MAPK4: variants seen among roughly 807,000 people sequenced by gnomAD.
MAPK4 encodes the protein Erk3-related.
A neutral mutation model predicts 47.7 loss-of-function variants in MAPK4; 22 were observed. The observed-to-expected ratio is 0.46, with a 90% CI of 0.33 to 0.66. MAPK4 has a LOEUF of 0.66. MAPK4 is among the 30% of genes least tolerant of loss of function. The probability of loss-of-function intolerance (pLI) is 0.02; values close to 1 mark genes in which losing one functional copy is unlikely to be tolerated. For synonymous variants in MAPK4, 390 were observed against 365.7 expected, an observed-to-expected ratio of 1.07 and a Z score of -0.76; for missense variants, 736 against 831.7, an observed-to-expected ratio of 0.88 and a Z score of 1.42.
intron 1 of MAPK4, among the ~76,000 whole-genome samples, chr18:50,619,995 T>C (rs2042717711): frequency 6.6e-6 from 1 of 152,208 alleles, no homozygotes; most frequent in Non-Finnish European, 1.5e-5. Flanking sequence ...CCCAAGGAAA[T>C]GCAGGCTGTG....
At chr18:50,600,325 A>G (rs2042524098) in intron 1 of MAPK4, among the ~76,000 whole-genome samples, 1 of 152,148 alleles carries the variant, frequency 6.6e-6, no homozygotes, top group Non-Finnish European at 1.5e-5. Flanking sequence ...CTAACCAGGC[A>G]TCTCAGGGGA....
chr18:50,628,188 G>GA (rs2042798077), intron 1 of MAPK4, among the ~76,000 whole-genome samples: 1 of 152,192 alleles, frequency 6.6e-6, no homozygotes, highest in African/African-American at 2.4e-5. Flanking sequence ...CAAAAATAGT[G>GA]AAAATCTGCG....
At chr18:50,652,128 T>C (rs1180835475) in intron 1 of MAPK4, among the ~76,000 whole-genome samples, 1 of 152,204 alleles carries the variant, frequency 6.6e-6, no homozygotes, top group East Asian at 1.9e-4. Context: ...ATGAGACTTC[T>C]TGCTGGAGTG....
In MAPK4 at chr18:50,729,989, G is replaced by A. The variant is rs1309983795; in HGVS notation, c.*135G>A. ...AGAACACGTGAAGGATCCGAGGAGC[G>A]AGAGGAATGTCCATTTCTTAAACTG... On this transcript the variant is annotated 3_prime_UTR_variant, in exon 6 of 6. Transcript: ENST00000400384. The A allele has an allele frequency of 1.7e-5, 15 of 901,104 alleles. No homozygotes were observed. Among genetic ancestry groups the A allele is most frequent in the Admixed American group, 6.0e-5 (2 of 33,500 alleles). The allele number at this position is 901,104 out of a possible 1,614,324, so 55.8% of individuals were successfully genotyped here.
chr18:50,718,462 C>T (rs947612821), intron 3 of MAPK4, among the ~76,000 whole-genome samples: 2 of 152,216 alleles, frequency 1.3e-5, no homozygotes, highest in East Asian at 3.9e-4. Context: ...AAATGATCCA[C>T]CTGCCTCAGC....
At chr18:50,670,716 C>G (rs1418238139) in intron 2 of MAPK4, among the ~76,000 whole-genome samples, 2 of 146,638 alleles carry the variant, frequency 1.4e-5, no homozygotes, top group Non-Finnish European at 3.0e-5. Flanking sequence ...AAGATCACAC[C>G]ACTGCACTCC....
chr18:50,603,141 C>T (rs554974963), intron 1 of MAPK4, among the ~76,000 whole-genome samples: 5 of 152,094 alleles, frequency 3.3e-5, no homozygotes, highest in South Asian at 2.1e-4. Context: ...CAGATGTGGC[C>T]GGTCAGCAGA....
chr18:50,628,030 T>C (rs960035112), intron 1 of MAPK4, among the ~76,000 whole-genome samples: 3 of 152,100 alleles, frequency 2.0e-5, no homozygotes, highest in African/African-American at 7.2e-5. Context: ...ACCACACCCA[T>C]TGGTCTGCGT....
chr18:50,653,429 G>A (rs940649117), intron 1 of MAPK4, among the ~76,000 whole-genome samples: 3 of 152,244 alleles, frequency 2.0e-5, no homozygotes, highest in African/African-American at 7.2e-5. Flanking sequence ...AGTTAAGGAA[G>A]CAAGGTAAAT....
rs915204428 is a variant in MAPK4 at position 50,637,669 on chromosome 18, G to T, written c.-870-25420G>T. On this transcript the variant is annotated intron_variant, in intron 1 of 5. Transcript: ENST00000400384. ...GCTGTGACAGAATACCACAGTCTGG[G>T]TGAGTTAACCAACAGACACGTATTT... Among the ~76,000 whole-genome samples the T allele has an allele frequency of 2.6e-5, 4 of 152,206 alleles. 1 individual carries two copies. The highest frequency in any genetic ancestry group is 2.6e-4 in the Admixed American group (4 of 15,282).
At chr18:50,671,887 C>T (rs1907975946) in intron 2 of MAPK4, among the ~76,000 whole-genome samples, 1 of 139,782 alleles carries the variant, frequency 7.2e-6, no homozygotes, top group Non-Finnish European at 1.5e-5. Context: ...GAGACCCTGA[C>T]TCAAAAAAAA....
rs536218274 is a variant in MAPK4, at chr18:50,646,789, G to A, written c.-870-16300G>A. Among the ~76,000 whole-genome samples the A allele has an allele frequency of 4.3e-4, 66 of 152,242 alleles. 2 individuals carry two copies. In the South Asian group the frequency reaches 0.012, roughly 28 times the overall value. On this transcript the variant is annotated intron_variant, in intron 1 of 5. Coordinates refer to ENST00000400384, the MANE Select transcript of MAPK4 (RefSeq NM_002747.4). Reference sequence around the variant, plus strand: ...CCCAGCAGAATCTATCTCTCTAGCCGTCTCTCTATTCCTCCAGCAACAGAC... The same window carrying A: ...CCCAGCAGAATCTATCTCTCTAGCCATCTCTCTATTCCTCCAGCAACAGAC...
intron 3 of MAPK4, among the ~76,000 whole-genome samples, chr18:50,718,928 A>G (rs1910777444): frequency 1.3e-5 from 2 of 151,682 alleles, no homozygotes; most frequent in Admixed American, 6.6e-5. Context: ...CTAAAAATAC[A>G]AAAAAATTAG....
intron 1 of MAPK4, among the ~76,000 whole-genome samples, chr18:50,565,667 T>C (rs970052421): frequency 1.3e-5 from 2 of 152,232 alleles, no homozygotes; most frequent in Non-Finnish European, 2.9e-5. Flanking sequence ...TATAATACTG[T>C]ATTTTTCCTG....
chr18:50,603,758 A>T (rs2042560641), intron 1 of MAPK4, among the ~76,000 whole-genome samples: 1 of 152,212 alleles, frequency 6.6e-6, no homozygotes, highest in South Asian at 2.1e-4. Flanking sequence ...AAAAATTATT[A>T]TCAAAGCTTT....
At chr18:50,680,377 C>T (rs908837237) in intron 2 of MAPK4, among the ~76,000 whole-genome samples, 2 of 152,060 alleles carry the variant, frequency 1.3e-5, no homozygotes, top group African/African-American at 2.4e-5. Context: ...CAGGTGTGAG[C>T]CACCGCGCCT....
intron 1 of MAPK4, among the ~76,000 whole-genome samples, chr18:50,656,898 T>TA (rs1011046917): frequency 1.3e-5 from 2 of 151,234 alleles, no homozygotes; most frequent in Non-Finnish European, 3.0e-5. Flanking sequence ...CAGCCTCAAG[T>TA]AAAAAAAAAT....
At chr18:50,711,788 A>C (rs1910379588) in intron 2 of MAPK4, among the ~76,000 whole-genome samples, 1 of 151,868 alleles carries the variant, frequency 6.6e-6, no homozygotes, top group Non-Finnish European at 1.5e-5. Context: ...AGCTCTTTTA[A>C]TAAAATTGGG....
chr18:50,665,782 C>G (rs1320227504), intron 2 of MAPK4, among the ~76,000 whole-genome samples: 1 of 152,202 alleles, frequency 6.6e-6, no homozygotes, highest in Admixed American at 6.5e-5. Flanking sequence ...TGACCTTAAC[C>G]ATGAGCCTGC....
Sources: gnomAD v4.1 joint callset for allele counts (sites outside exome capture counted in the v4.1 genomes callset) on GRCh38, gnomAD v4.1.1 for gene constraint, MANE v1.5 for transcripts, NCBI Gene and HGNC (gene_info 2026-07-23, HGNC 2026-07-21) for gene names.